Variants in TMPRSS11A observed in about 807,000 individuals in gnomAD.
TMPRSS11A encodes the protein transmembrane serine protease 11A.
TMPRSS11A carries 53 observed loss-of-function variants against 58.9 expected under a neutral mutation model. The observed-to-expected ratio is 0.90, with a 90% CI of 0.72 to 1.13. The LOEUF (loss-of-function observed/expected upper bound fraction) is 1.13. Ranked by LOEUF, TMPRSS11A falls within the 50% of genes most tolerant of loss-of-function variation. The pLI is 0.00. For synonymous variants in TMPRSS11A, 167 were observed against 169.8 expected (o/e 0.98, Z 0.13); for missense variants, 493 against 499.3 (o/e 0.99, Z 0.12).
chr4:67,928,175 G>A (rs1454851897), intron 5 of TMPRSS11A, among the ~76,000 whole-genome samples: 1 of 152,166 alleles, frequency 6.6e-6, no homozygotes, highest in Non-Finnish European at 1.5e-5. Context: ...CTCCCAAGTA[G>A]CTGGGATTAC....
chr4:67,940,754 C>A (rs559720042), intron 3 of TMPRSS11A, among the ~76,000 whole-genome samples: 2 of 152,288 alleles, frequency 1.3e-5, no homozygotes, highest in South Asian at 4.1e-4. Context: ...AAAACTCCAC[C>A]CTTGGATCAT....
intron 3 of TMPRSS11A, among the ~76,000 whole-genome samples, chr4:67,941,804 T>C (rs561601208): frequency 2.0e-4 from 31 of 152,194 alleles, no homozygotes; most frequent in Non-Finnish European, 4.1e-4. Flanking sequence ...AAAATATTTT[T>C]ATGTCTTAGA....
intron 8 of TMPRSS11A, among the ~76,000 whole-genome samples, chr4:67,914,977 A>G (rs556094542): frequency 6.6e-6 from 1 of 152,278 alleles, no homozygotes; most frequent in East Asian, 1.9e-4. Flanking sequence ...TTCCTGGAAA[A>G]TCTAACCTTA....
chr4:67,927,559 G>A (rs748089702), intron 5 of TMPRSS11A, among the ~76,000 whole-genome samples: 9 of 152,248 alleles, frequency 5.9e-5, no homozygotes, highest in African/African-American at 1.9e-4. Context: ...GCCTTGGTGG[G>A]CATGGGATCC....
intron 3 of TMPRSS11A, among the ~76,000 whole-genome samples, chr4:67,937,145 A>G (rs564699919): frequency 6.6e-6 from 1 of 152,302 alleles, no homozygotes; most frequent in South Asian, 2.1e-4. Flanking sequence ...ACTATGCTGT[A>G]TTTACAACTT....
intron 1 of TMPRSS11A, among the ~76,000 whole-genome samples, chr4:67,962,831 G>C (rs1407045452): frequency 6.6e-6 from 1 of 152,116 alleles, no homozygotes; most frequent in Non-Finnish European, 1.5e-5. Flanking sequence ...AAGAATTGTA[G>C]AGAATAGGCA....
chr4:67,943,436 T>G (rs1001400158), intron 3 of TMPRSS11A, among the ~76,000 whole-genome samples: 1 of 152,204 alleles, frequency 6.6e-6, no homozygotes, highest in Non-Finnish European at 1.5e-5. Flanking sequence ...TAAGGCAAGT[T>G]AAGAGTTTTC....
rs34591422 is a variant in TMPRSS11A at position 67,946,726 on chromosome 4, T to TAAA, written c.12-158_12-156dup. Among the ~76,000 whole-genome samples, 238 of 149,876 alleles carry TAAA rather than the reference T, an allele frequency of 1.6e-3. 4 individuals are homozygous for TAAA. Among genetic ancestry groups the TAAA allele is most frequent in the East Asian group, 2.0e-3 (10 of 5,072 alleles). ...GTCATCTTGGTCTGAGAAGATGTGT[T>TAAA]AAAAAAAAAAAATCAGGATCTGGGA... On this transcript the variant is annotated intron_variant, in intron 1 of 9. Transcript: ENST00000508048.
intron 3 of TMPRSS11A, among the ~76,000 whole-genome samples, chr4:67,938,050 A>G (rs760314065): frequency 6.6e-6 from 1 of 152,142 alleles, no homozygotes; most frequent in Admixed American, 6.5e-5. Flanking sequence ...TTTCCTCCGC[A>G]GTCTCATCAG....
chr4:67,923,783 GTT>G (rs1427178051), intron 6 of TMPRSS11A, among the ~76,000 whole-genome samples: 1 of 152,166 alleles, frequency 6.6e-6, no homozygotes, highest in Non-Finnish European at 1.5e-5. Context: ...CAGACAATGG[GTT>G]TTATGTCCTT....
In TMPRSS11A at chr4:67,946,514, G is replaced by C; in HGVS notation, c.69C>G (p.Leu23=). The C allele has an allele frequency of 6.2e-7, 1 of 1,612,874 alleles. No homozygotes were observed. The highest frequency in any genetic ancestry group is 8.5e-7 in the Non-Finnish European group (1 of 1,179,442). Residue 23 remains leucine (L), a synonymous_variant, in exon 2 of 10, where the codon CTC becomes CTG. Coordinates refer to ENST00000508048, the MANE Select transcript of TMPRSS11A (RefSeq NM_001114387.2). ...CCACCACTGTCAGGGACAACACAAT[G>C]AGAACGGCAATCATCCATGGCTTCA... is the stretch of plus-strand genomic sequence containing the variant. The part of the protein sequence containing the change: ...RNLKPWMIAV[L]IVLSLTVVAV...
At chr4:67,914,057 A>G (rs535521548) in intron 9 of TMPRSS11A, among the ~76,000 whole-genome samples, 9 of 152,334 alleles carry the variant, frequency 5.9e-5, no homozygotes, top group African/African-American at 2.2e-4. Context: ...GCTGAGACCC[A>G]ACCAATTACT....
intron 3 of TMPRSS11A, among the ~76,000 whole-genome samples, chr4:67,935,490 T>A (rs1273454613): frequency 1.1e-4 from 17 of 152,212 alleles, no homozygotes; most frequent in Non-Finnish European, 2.9e-5. Context: ...TTATACCTTT[T>A]ATTCTTTAAT....
intron 1 of TMPRSS11A, among the ~76,000 whole-genome samples, chr4:67,957,974 C>T (rs1429057065): frequency 6.6e-6 from 1 of 152,126 alleles, no homozygotes; most frequent in Non-Finnish European, 1.5e-5. Context: ...GATGCAAGCC[C>T]CAAGCCTTAG....
At position 67,942,317 on chromosome 4, in the gene TMPRSS11A, G is replaced by A. The variant is rs189451824; in HGVS notation, c.252+2202C>T. On this transcript the variant is annotated intron_variant, in intron 3 of 9. Transcript: ENST00000508048. ...GATAGAGGAGATGGGGCCTTTGGAGGATAGTTAGGTCATGAGGGTGGAGTT... is the reference window on the plus strand; with the variant it reads ...GATAGAGGAGATGGGGCCTTTGGAGAATAGTTAGGTCATGAGGGTGGAGTT... Among the ~76,000 whole-genome samples the A allele has an allele frequency of 1.5e-3, 233 of 152,260 alleles. 3 individuals are homozygous for A. Among genetic ancestry groups the A allele is most frequent in the South Asian group, 9.5e-3 (46 of 4,824 alleles).
At position 67,914,594 on chromosome 4, in the gene TMPRSS11A, G is replaced by A; in HGVS notation, c.1089C>T (p.Ala363=). 3.7e-6 allele frequency: 6 copies of A among 1,613,374 alleles called. No homozygotes were observed. Among genetic ancestry groups the A allele is most frequent in the Non-Finnish European group, 5.1e-6 (6 of 1,179,690 alleles). Residue 363 remains alanine (A), a synonymous_variant, in exon 9 of 10, where the codon GCC becomes GCT. Transcript: ENST00000508048. Reference sequence around the variant, plus strand: ...AAAAATCCCTCCAACTTACCCTGCAGGCATCATAAATTCCTTCCATATATC... The same window carrying A: ...AAAAATCCCTCCAACTTACCCTGCAAGCATCATAAATTCCTTCCATATATC... ...CAGYMEGIYD[A]CRGDSGGPLV...
intron 3 of TMPRSS11A, among the ~76,000 whole-genome samples, chr4:67,943,399 A>G (rs995437803): frequency 2.6e-5 from 4 of 152,188 alleles, no homozygotes; most frequent in African/African-American, 9.7e-5. Context: ...ATTTTCCATC[A>G]TTCAAAGGTG....
rs184062348 is a variant in TMPRSS11A at position 67,947,892 on chromosome 4, C to T, written c.12-1321G>A. On this transcript the variant is annotated intron_variant, in intron 1 of 9. Transcript: ENST00000508048. ...GAGAGTCAGGCAGGAATGATACCAA[C>T]ATTACACAGGAAATAACACAGGATG... 2.1e-3 allele frequency among the ~76,000 whole-genome samples: 322 copies of T among 152,284 alleles called. 2 individuals carry two copies. Among genetic ancestry groups the T allele is most frequent in the African/African-American group, 7.5e-3 (311 of 41,560 alleles).
chr4:67,916,062 A>G (rs1281947534), intron 8 of TMPRSS11A, among the ~76,000 whole-genome samples: 2 of 152,070 alleles, frequency 1.3e-5, no homozygotes, highest in Non-Finnish European at 2.9e-5. Context: ...CCCTGTAAAG[A>G]CCCCCAGCTT....
Sources: gnomAD v4.1 joint callset for allele counts (sites outside exome capture counted in the v4.1 genomes callset) on GRCh38, gnomAD v4.1.1 for gene constraint, MANE v1.5 for transcripts, NCBI Gene and HGNC (gene_info 2026-07-23, HGNC 2026-07-21) for gene names.